The following DLGAP2 variants were observed in gnomAD, a reference collection of about 807,000 sequenced individuals.
DLGAP2 encodes the protein DLG associated protein 2, also known as disks large-associated protein 2.
DLGAP2 carries 26 observed loss-of-function variants against 100.3 expected under a neutral mutation model. The ratio of observed to expected loss-of-function variants is 0.26; its 90% CI spans 0.19 to 0.36. The LOEUF (loss-of-function observed/expected upper bound fraction) is 0.36, where lower values mean the gene tolerates loss of function less well. Among genes scored for constraint, DLGAP2 ranks in the 10% least tolerant of loss-of-function variants. DLGAP2 has a pLI of 1.00. For missense variants in DLGAP2, 1,858 were observed against 1,453.2 expected, an observed-to-expected ratio of 1.28 and a Z score of -4.53; for synonymous variants, 886 against 630.1, an observed-to-expected ratio of 1.41 and a Z score of -6.08.
At chr8:782,667 C>T (rs1372786898) in intron 1 of DLGAP2, among the ~76,000 whole-genome samples, 1 of 152,144 alleles carries the variant, frequency 6.6e-6, no homozygotes, top group Non-Finnish European at 1.5e-5. Context: ...GTTGAGGGCC[C>T]CCACCCCTGA....
At chr8:1,519,396 G>A (rs1477611318) in intron 4 of DLGAP2, among the ~76,000 whole-genome samples, 1 of 152,176 alleles carries the variant, frequency 6.6e-6, no homozygotes, top group Non-Finnish European at 1.5e-5. Context: ...TGTTTTGCAC[G>A]ACAAGTTCAT....
intron 2 of DLGAP2, among the ~76,000 whole-genome samples, chr8:930,880 C>T (rs1798941177): frequency 6.6e-6 from 1 of 152,052 alleles, no homozygotes; most frequent in African/African-American, 2.4e-5. Flanking sequence ...CATGGAAATC[C>T]CTCTGGAACT....
intron 2 of DLGAP2, among the ~76,000 whole-genome samples, chr8:934,369 G>C (rs568946920): frequency 6.6e-6 from 1 of 151,844 alleles, no homozygotes; most frequent in Non-Finnish European, 1.5e-5. Context: ...GAGGGTGAGG[G>C]CAGAGACTGC....
intron 2 of DLGAP2, among the ~76,000 whole-genome samples, chr8:1,063,990 A>G (rs1180049263): frequency 6.6e-6 from 1 of 152,152 alleles, no homozygotes; most frequent in Non-Finnish European, 1.5e-5. Flanking sequence ...CCATTCATAC[A>G]TTTATACGCA....
intron 2 of DLGAP2, among the ~76,000 whole-genome samples, chr8:1,001,248 G>A (rs970649602): frequency 6.6e-6 from 1 of 152,164 alleles, no homozygotes; most frequent in Non-Finnish European, 1.5e-5. Flanking sequence ...GGGTTGTACT[G>A]CACACAGCCT....
At chr8:1,585,887 G>A (rs1266759311) in intron 6 of DLGAP2, among the ~76,000 whole-genome samples, 1 of 152,122 alleles carries the variant, frequency 6.6e-6, no homozygotes, top group Admixed American at 6.5e-5. Flanking sequence ...TCCATCGCCA[G>A]GGGTTTCCAC....
At chr8:977,090 A>G (rs1563124185) in intron 2 of DLGAP2, among the ~76,000 whole-genome samples, 1 of 152,220 alleles carries the variant, frequency 6.6e-6, no homozygotes. Context: ...GCTTATCCAA[A>G]AATGGTACTC....
chr8:1,499,951 T>A (rs1425631567), intron 3 of DLGAP2, among the ~76,000 whole-genome samples: 15 of 113,010 alleles, frequency 1.3e-4, no homozygotes, highest in African/African-American at 5.2e-4. Context: ...GTTTGCAGAC[T>A]ACAGCCTGGC....
intron 2 of DLGAP2, among the ~76,000 whole-genome samples, chr8:1,158,538 G>T (rs1048954401): frequency 6.6e-6 from 1 of 152,230 alleles, no homozygotes; most frequent in Non-Finnish European, 1.5e-5. Context: ...GCTTTCTAAA[G>T]ATAGTGTTTT....
intron 6 of DLGAP2, among the ~76,000 whole-genome samples, chr8:1,607,773 G>A (rs9693462): frequency 2.0e-5 from 3 of 152,292 alleles, no homozygotes; most frequent in Non-Finnish European, 4.4e-5. Flanking sequence ...CAAAGAAAGG[G>A]GTGACGGACG....
At chr8:1,647,267 A>G (rs1563278715) in intron 8 of DLGAP2, among the ~76,000 whole-genome samples, 1 of 152,066 alleles carries the variant, frequency 6.6e-6, no homozygotes, top group Non-Finnish European at 1.5e-5. Flanking sequence ...TCACAGTTAG[A>G]TGGGATAAAA....
At chr8:1,417,440 C>G (rs1053303068) in intron 3 of DLGAP2, among the ~76,000 whole-genome samples, 2 of 152,200 alleles carry the variant, frequency 1.3e-5, no homozygotes, top group African/African-American at 4.8e-5. Flanking sequence ...TTTTCTCTGA[C>G]TTCAGCTCTT....
At chr8:1,176,933 C>A (rs1157868007) in intron 2 of DLGAP2, among the ~76,000 whole-genome samples, 1 of 152,170 alleles carries the variant, frequency 6.6e-6, no homozygotes, top group African/African-American at 2.4e-5. Flanking sequence ...GGCAGCAAAG[C>A]AGCACAATTC....
intron 3 of DLGAP2, among the ~76,000 whole-genome samples, chr8:1,410,427 T>C (rs990482971): frequency 6.6e-6 from 1 of 152,136 alleles, no homozygotes; most frequent in Admixed American, 6.6e-5. Context: ...CTTTTTATTC[T>C]CTCCCCTCAG....
At chr8:1,038,339 A>T (rs1033928267) in intron 2 of DLGAP2, among the ~76,000 whole-genome samples, 1 of 152,074 alleles carries the variant, frequency 6.6e-6, no homozygotes, top group Non-Finnish European at 1.5e-5. Context: ...TCCAGGAATG[A>T]CTGTGGGAGC....
At chr8:820,292 A>G (rs1251022638) in intron 1 of DLGAP2, among the ~76,000 whole-genome samples, 1 of 152,244 alleles carries the variant, frequency 6.6e-6, no homozygotes, top group South Asian at 2.1e-4. Context: ...AAATTGTGGA[A>G]TTGGGAAGAT....
intron 7 of DLGAP2, among the ~76,000 whole-genome samples, chr8:1,627,421 G>C (rs910053036): frequency 6.6e-6 from 1 of 152,218 alleles, no homozygotes; most frequent in African/African-American, 2.4e-5. Context: ...TTAAAATCAG[G>C]TGCCTGAGAC....
chr8:997,338 C>T (rs1800809822), intron 2 of DLGAP2, among the ~76,000 whole-genome samples: 1 of 152,062 alleles, frequency 6.6e-6, no homozygotes. Flanking sequence ...ATCTGGGGAG[C>T]CCGGATCATT....
chr8:1,343,968 C>T (rs1353996835), intron 3 of DLGAP2, among the ~76,000 whole-genome samples: 2 of 152,234 alleles, frequency 1.3e-5, no homozygotes, highest in Non-Finnish European at 2.9e-5. Flanking sequence ...TACAGAGAAA[C>T]ATGGCGGACA....
Sources: gnomAD v4.1 joint callset for allele counts (sites outside exome capture counted in the v4.1 genomes callset) on GRCh38, gnomAD v4.1.1 for gene constraint, MANE v1.5 for transcripts, NCBI Gene and HGNC (gene_info 2026-07-23, HGNC 2026-07-21) for gene names.